Variants in ACTN4 observed in about 807,000 individuals in gnomAD.
ACTN4 encodes alpha-actinin-4.
Under a neutral mutation model 114.2 loss-of-function variants are expected in ACTN4, and 18 were observed. The ratio of observed to expected loss-of-function variants is 0.16; its 90% confidence interval spans 0.11 to 0.23. The LOEUF (loss-of-function observed/expected upper bound fraction) is 0.23, where lower values mean the gene tolerates loss of function less well. Ranked by LOEUF, ACTN4 falls within the 10% of genes least tolerant of loss-of-function variation. The pLI, the probability that ACTN4 is intolerant of heterozygous loss-of-function variation, is 1.00. For synonymous variants in ACTN4, 515 were observed against 506.3 expected, an observed-to-expected ratio of 1.02 and a Z score of -0.23; for missense variants, 722 against 1,262.9, an observed-to-expected ratio of 0.57 and a Z score of 6.49.
chr19:38,680,480 G>A (rs894655678), intron 1 of ACTN4, among the ~76,000 whole-genome samples: 4 of 152,010 alleles, frequency 2.6e-5, no homozygotes, highest in Non-Finnish European at 5.9e-5. Flanking sequence ...CACTGCGCCC[G>A]GCCTCAGGAA....
intron 1 of ACTN4, among the ~76,000 whole-genome samples, chr19:38,695,905 G>A (rs1436529117): frequency 2.6e-5 from 4 of 151,920 alleles, no homozygotes; most frequent in Admixed American, 1.3e-4. Flanking sequence ...ACACAAACTC[G>A]GCCCCAGGAG....
chr19:38,719,210 G>T (rs1397255148), intron 11 of ACTN4, among the ~76,000 whole-genome samples: 4 of 152,198 alleles, frequency 2.6e-5, no homozygotes, highest in African/African-American at 9.7e-5. Context: ...CCAGTGCCTG[G>T]GAGAGCCACA....
chr19:38,702,271 A>G (rs1471364303), intron 3 of ACTN4, among the ~76,000 whole-genome samples: 2 of 152,162 alleles, frequency 1.3e-5, no homozygotes, highest in Non-Finnish European at 1.5e-5. Context: ...AAATTGGTTC[A>G]CTCCCAATCC....
In ACTN4 at chr19:38,661,980, C is replaced by T. The variant is rs1374676803; in HGVS notation, c.162+14073C>T. Among the ~76,000 whole-genome samples the T allele has an allele frequency of 3.3e-5, 5 of 152,206 alleles. No homozygotes were observed. In the South Asian group the frequency reaches 6.2e-4, roughly 19 times the overall value. ...CAGCCTGATTTTTAAACTGGCTTTTCTCCTAGGTCCTTTCCTTCTCTATAA... is the reference window on the plus strand; with the variant it reads ...CAGCCTGATTTTTAAACTGGCTTTTTTCCTAGGTCCTTTCCTTCTCTATAA... On this transcript the variant is annotated intron_variant, in intron 1 of 20. Coordinates refer to ENST00000252699, the MANE Select transcript of ACTN4 (RefSeq NM_004924.6).
At chr19:38,650,796 C>T (rs764276645) in intron 1 of ACTN4, among the ~76,000 whole-genome samples, 33 of 151,852 alleles carry the variant, frequency 2.2e-4, no homozygotes, top group Non-Finnish European at 3.7e-4. Flanking sequence ...GTTGCCCGGG[C>T]GTGATCTTGG....
chr19:38,680,792 C>G (rs561375420), intron 1 of ACTN4, among the ~76,000 whole-genome samples: 1 of 152,220 alleles, frequency 6.6e-6, no homozygotes, highest in South Asian at 2.1e-4. Context: ...TTTATTCCTA[C>G]CATTGTCCTT....
chr19:38,725,932 T>A (rs1172461243), intron 17 of ACTN4, 29 bp downstream of exon 17: 4 of 1,612,636 alleles, frequency 2.5e-6, no homozygotes, highest in Non-Finnish European at 2.5e-6. Context: ...CGCTGGCCTT[T>A]CCACCAGCAT....
Position 38,677,225 on chromosome 19 carries a change from A to G in ACTN4, c.163-23375A>G, listed in dbSNP as rs1010062967. 5.3e-5 allele frequency among the ~76,000 whole-genome samples: 8 copies of G among 151,702 alleles called. No homozygotes were observed. The South Asian group carries it at 1.3e-3, about 24-fold the overall frequency. The stretch of plus-strand genomic sequence containing the variant: ...ACCTCTACTTCTCCTTTTAACTCCA[A>G]CCATCCTTGGCTCTCCCTCTCGAGG... On this transcript the variant is annotated intron_variant, in intron 1 of 20. Coordinates refer to ENST00000252699, the MANE Select transcript of ACTN4 (RefSeq NM_004924.6).
Position 38,675,244 on chromosome 19 carries a change from G to A in ACTN4, c.163-25356G>A, listed in dbSNP as rs1455090568. ...ATTAATCCTGGCCTGGAAAGCATAT[G>A]GGAGAGTACAGCCAACCTGGCTTGG... On this transcript the variant is annotated intron_variant, in intron 1 of 20. Coordinates refer to ENST00000252699, the MANE Select transcript of ACTN4 (RefSeq NM_004924.6). Among the ~76,000 whole-genome samples, 37 of 152,222 alleles carry A rather than the reference G, an allele frequency of 2.4e-4. 1 individual carries two copies. Among genetic ancestry groups the A allele is most frequent in the Admixed American group, 2.4e-3 (36 of 15,272 alleles).
At chr19:38,701,189 C>A (rs1052897299) in intron 3 of ACTN4, 68 bp downstream of exon 3, 1 of 1,606,458 alleles carries the variant, frequency 6.2e-7, no homozygotes, top group Non-Finnish European at 8.5e-7. Context: ...AGCACAACAT[C>A]TGCATCCTGA....
intron 1 of ACTN4, among the ~76,000 whole-genome samples, chr19:38,690,972 G>A (rs556729019): frequency 6.6e-6 from 1 of 152,354 alleles, no homozygotes; most frequent in East Asian, 1.9e-4. Context: ...GATTTGTTGA[G>A]TACCTGCTAT....
At chr19:38,715,342 C>T (rs1599843567) in intron 9 of ACTN4, among the ~76,000 whole-genome samples, 1 of 152,168 alleles carries the variant, frequency 6.6e-6, no homozygotes. Flanking sequence ...ACTGAAAATA[C>T]AAAAATTAGC....
chr19:38,723,607 C>T lies in ACTN4; in HGVS notation c.1443-7C>T, dbSNP rs765401785. The T allele has an allele frequency of 1.4e-5, 22 of 1,603,632 alleles. No individual in the cohort carries two copies. Among genetic ancestry groups the T allele is most frequent in the Non-Finnish European group, 1.8e-5 (21 of 1,173,798 alleles). The stretch of plus-strand genomic sequence containing the variant: ...CCGAGTCTCATTGCTCTCTGCCCGG[C>T]CCGCAGCGAGCTGGATTACTACGAC... On this transcript the variant is annotated splice_region_variant and splice_polypyrimidine_tract_variant and intron_variant, in intron 12 of 20. Coordinates refer to ENST00000252699, the MANE Select transcript of ACTN4 (RefSeq NM_004924.6).
chr19:38,712,955 C>A (rs964765697), intron 8 of ACTN4, among the ~76,000 whole-genome samples: 3 of 135,312 alleles, frequency 2.2e-5, no homozygotes, highest in Non-Finnish European at 5.0e-5. Context: ...GTCACTGGCC[C>A]CTCTCTGAGG....
chr19:38,694,408 C>T (rs1252012925), intron 1 of ACTN4, among the ~76,000 whole-genome samples: 6 of 151,982 alleles, frequency 3.9e-5, no homozygotes, highest in Middle Eastern at 3.2e-3. Flanking sequence ...TATAGGAGCC[C>T]GCCACCACGC....
At chr19:38,721,165 C>T (rs1253800916) in intron 11 of ACTN4, among the ~76,000 whole-genome samples, 2 of 152,168 alleles carry the variant, frequency 1.3e-5, no homozygotes, top group Non-Finnish European at 2.9e-5. Flanking sequence ...GGGCTTTGAC[C>T]CCGGGTGCTT....
At position 38,695,676 on chromosome 19, in the gene ACTN4, G is replaced by A. The variant is rs544873545; in HGVS notation, c.163-4924G>A. Among the ~76,000 whole-genome samples, 60 of 152,206 alleles carry A rather than the reference G, an allele frequency of 3.9e-4. No individual in the cohort carries two copies. In the South Asian group the frequency reaches 9.4e-3, roughly 24 times the overall value. On this transcript the variant is annotated intron_variant, in intron 1 of 20. Transcript: ENST00000252699. ...CTTTACTCCCTTCCTTCTCGGAGTG[G>A]GCTCTGTCCCTTCTGCAGGAGGGCT... is the stretch of plus-strand genomic sequence containing the variant.
intron 1 of ACTN4, among the ~76,000 whole-genome samples, chr19:38,657,442 C>G (rs1414835171): frequency 1.3e-5 from 2 of 152,140 alleles, no homozygotes; most frequent in Non-Finnish European, 2.9e-5. Flanking sequence ...TGTGCCCGAA[C>G]TAATTTTTAA....
Position 38,686,752 on chromosome 19 carries a change from A to G in ACTN4, c.163-13848A>G, listed in dbSNP as rs1242241732. ...AGGCTCTTCCCCTTGGGGAGAACCCAGTTCTTTGACGTATAATCTGAGTGG... is the reference window on the plus strand; with the variant it reads ...AGGCTCTTCCCCTTGGGGAGAACCCGGTTCTTTGACGTATAATCTGAGTGG... On this transcript the variant is annotated intron_variant, in intron 1 of 20. Transcript: ENST00000252699. 3.3e-5 allele frequency among the ~76,000 whole-genome samples: 5 copies of G among 152,152 alleles called. No individual in the cohort carries two copies. The East Asian group carries it at 7.8e-4, about 24-fold the overall frequency.
Sources: gnomAD v4.1 joint callset for allele counts (sites outside exome capture counted in the v4.1 genomes callset) on GRCh38, gnomAD v4.1.1 for gene constraint, MANE v1.5 for transcripts, NCBI Gene and HGNC (gene_info 2026-07-23, HGNC 2026-07-21) for gene names.